DNAH8: variants seen among roughly 807,000 people sequenced by gnomAD.
The protein encoded by DNAH8 is dynein axonemal heavy chain 8.
DNAH8 carries 382 observed loss-of-function variants against 562.1 expected under a neutral mutation model. The observed-to-expected ratio is 0.68, with a 90% confidence interval of 0.63 to 0.74. DNAH8 has a LOEUF of 0.74. Ranked by LOEUF, DNAH8 falls within the 30% of genes least tolerant of loss-of-function variation. DNAH8 has a pLI of 0.00. For missense variants in DNAH8, 5,203 were observed against 5,620.4 expected (o/e 0.93, Z 2.37); for synonymous variants, 1,881 against 1,919.4 (o/e 0.98, Z 0.52).
At chr6:38,882,197 A>G (rs375794980) in intron 53 of DNAH8, among the ~76,000 whole-genome samples, 2 of 152,154 alleles carry the variant, frequency 1.3e-5, no homozygotes, top group African/African-American at 4.8e-5. Flanking sequence ...TGACCCACCA[A>G]TCTCATTATT....
At chr6:38,815,187 C>T (rs1772132763) in intron 25 of DNAH8, among the ~76,000 whole-genome samples, 1 of 152,164 alleles carries the variant, frequency 6.6e-6, no homozygotes, top group Non-Finnish European at 1.5e-5. Flanking sequence ...ACTAGTTTGA[C>T]CTTTTTAACA....
intron 37 of DNAH8, among the ~76,000 whole-genome samples, chr6:38,849,550 G>GAT (rs930144780): frequency 6.7e-6 from 1 of 149,406 alleles, no homozygotes; most frequent in Non-Finnish European, 1.5e-5. Context: ...AAAAATCAAG[G>GAT]ATAAAAGAGG....
At chr6:38,934,480 G>T (rs2150583714) in intron 76 of DNAH8, among the ~76,000 whole-genome samples, 1 of 152,176 alleles carries the variant, frequency 6.6e-6, no homozygotes, top group South Asian at 2.1e-4. Flanking sequence ...ACTGGTTCAG[G>T]AAGACTTTTT....
Position 38,921,799 on chromosome 6 carries a change from T to C in DNAH8, c.10662+293T>C, listed in dbSNP as rs113465520. 5.5e-3 allele frequency among the ~76,000 whole-genome samples: 830 copies of C among 152,282 alleles called. 7 individuals are homozygous for C. Among genetic ancestry groups the C allele is most frequent in the African/African-American group, 0.018 (767 of 41,558 alleles). Reference sequence around the variant, plus strand: ...TGAAGAGACCACCAAACAGGCTTTGTGTGAGCAACAAGGCTGTTTATTTCA... The same window carrying C: ...TGAAGAGACCACCAAACAGGCTTTGCGTGAGCAACAAGGCTGTTTATTTCA... On this transcript the variant is annotated intron_variant, in intron 71 of 92. Coordinates refer to ENST00000327475, the MANE Select transcript of DNAH8 (RefSeq NM_001206927.2).
At position 38,772,971 on chromosome 6, in the gene DNAH8, C is replaced by CTTTTTTTTTTTTTTTTTTTTT. The variant is rs58784448; in HGVS notation, c.1764+2419_1764+2439dup. Among the ~76,000 whole-genome samples the CTTTTTTTTTTTTTTTTTTTTT allele has an allele frequency of 8.7e-4, 77 of 88,078 alleles. 7 individuals carry two copies. Among genetic ancestry groups the CTTTTTTTTTTTTTTTTTTTTT allele is most frequent in the Middle Eastern group, 7.2e-3 (1 of 138 alleles). The allele number at this position is 88,078 out of a possible 152,430, so 57.8% of individuals were successfully genotyped here. Reference sequence around the variant, plus strand: ...ATACCACCATGCCTAGCTAATTAAACTTTTTTTTTTTTTTTTTTTTTTTTT... The same window carrying CTTTTTTTTTTTTTTTTTTTTT: ...ATACCACCATGCCTAGCTAATTAAACTTTTTTTTTTTTTTTTTTTTTTTTTTTTTTTTTTTTTTTTTTTTTT... On this transcript the variant is annotated intron_variant, in intron 12 of 92. Transcript: ENST00000327475.
intron 82 of DNAH8, among the ~76,000 whole-genome samples, chr6:38,954,237 GA>G (rs1472978701): frequency 6.6e-6 from 1 of 152,146 alleles, no homozygotes; most frequent in Admixed American, 6.5e-5. Flanking sequence ...CTGGAGGAGG[GA>G]GGTCTCAGAG....
rs1171046116 is a variant in DNAH8 at position 38,786,884 on chromosome 6, G to A, written c.2515G>A (p.Val839Ile). 2 of 1,613,388 alleles carry A rather than the reference G, an allele frequency of 1.2e-6. No homozygotes were observed. The highest frequency in any genetic ancestry group is 2.2e-5 in the South Asian group (2 of 90,964). ...TKCMIKMKLD[V>I]PEQAKRLLKL... Reference sequence around the variant, plus strand: ...GTGTATGATAAAAATGAAGTTGGATGTACCAGAACAGGCAAAGAGATTGCT... The same window carrying A: ...GTGTATGATAAAAATGAAGTTGGATATACCAGAACAGGCAAAGAGATTGCT... Residue 839 changes from valine (V) to isoleucine (I), a missense_variant, in exon 18 of 93, where the codon GTA becomes ATA. By Grantham distance (29) the Val-to-Ile change is conservative (BLOSUM62 3). Transcript: ENST00000327475.
chr6:38,882,023 T>C (rs967345007), intron 53 of DNAH8, among the ~76,000 whole-genome samples: 1 of 152,030 alleles, frequency 6.6e-6, no homozygotes, highest in African/African-American at 2.4e-5. Flanking sequence ...TCCAGATGGG[T>C]GAGTTAGCAA....
At chr6:38,942,826 G>A (rs943135358) in intron 79 of DNAH8, among the ~76,000 whole-genome samples, 5 of 152,140 alleles carry the variant, frequency 3.3e-5, no homozygotes, top group Non-Finnish European at 4.4e-5. Flanking sequence ...GTCCCACCCC[G>A]TCTCACCTCT....
chr6:38,922,103 AT>A (rs1554136358), intron 71 of DNAH8, among the ~76,000 whole-genome samples: 1 of 150,358 alleles, frequency 6.7e-6, no homozygotes, highest in Admixed American at 6.7e-5. Context: ...GGAACCGGCC[AT>A]CTGGATGTGT....
At chr6:38,785,228 C>G (rs1448596998) in intron 17 of DNAH8, among the ~76,000 whole-genome samples, 1 of 152,112 alleles carries the variant, frequency 6.6e-6, no homozygotes, top group Non-Finnish European at 1.5e-5. Context: ...CTTCCTTTGT[C>G]CTAGTGATGT....
chr6:38,972,353 T>C (rs892726863), intron 83 of DNAH8, among the ~76,000 whole-genome samples: 2 of 152,208 alleles, frequency 1.3e-5, no homozygotes, highest in Non-Finnish European at 2.9e-5. Context: ...TAGAGAGGGT[T>C]AATGGGCTAA....
chr6:38,891,679 A>G (rs1779349962), intron 58 of DNAH8, among the ~76,000 whole-genome samples: 2 of 152,240 alleles, frequency 1.3e-5, no homozygotes, highest in Admixed American at 1.3e-4. Context: ...CTCAGAAATG[A>G]GTTGCAAGGA....
At chr6:39,026,521 A>G (rs747656430) in intron 91 of DNAH8, 25 bp from the exon 92 acceptor site, 2 of 1,593,296 alleles carry the variant, frequency 1.3e-6, no homozygotes, top group South Asian at 2.2e-5. Flanking sequence ...ACAAGGCTTC[A>G]ACATCTCTTC....
chr6:38,814,320 C>T (rs1772058272), intron 25 of DNAH8, among the ~76,000 whole-genome samples, 191 bp downstream of exon 25: 2 of 152,192 alleles, frequency 1.3e-5, no homozygotes, highest in African/African-American at 2.4e-5. Flanking sequence ...GTGGCTCACG[C>T]CTGTAATCCC....
Position 38,932,216 on chromosome 6 carries a change from A to ACACACACACACACACACC in DNAH8, c.11457+224_11457+225insACACACACACACACACCC, listed in dbSNP as rs375631180. ...CACACACACACACACACACACACAC[A>ACACACACACACACACACC]CCCGTCTCTTTCTACTTCTGTCTTT... On this transcript the variant is annotated intron_variant, in intron 76 of 92. Coordinates refer to ENST00000327475, the MANE Select transcript of DNAH8 (RefSeq NM_001206927.2). 3.8e-3 allele frequency among the ~76,000 whole-genome samples: 549 copies of ACACACACACACACACACC among 145,696 alleles called. 6 individuals carry two copies. The highest frequency in any genetic ancestry group is 0.02 in the South Asian group (94 of 4,694).
chr6:38,805,878 G>A (rs562932248), intron 23 of DNAH8, among the ~76,000 whole-genome samples: 1 of 152,310 alleles, frequency 6.6e-6, no homozygotes, highest in African/African-American at 2.4e-5. Context: ...TGACGTCAGG[G>A]ATTGGAGCAG....
At position 38,949,445 on chromosome 6, in the gene DNAH8, C is replaced by G. The variant is rs752631424; in HGVS notation, c.12130-7C>G. The G allele has an allele frequency of 2.2e-5, 35 of 1,581,694 alleles. No individual in the cohort carries two copies. The highest frequency in any genetic ancestry group is 3.0e-5 in the Non-Finnish European group (34 of 1,151,188). On this transcript the variant is annotated splice_region_variant and splice_polypyrimidine_tract_variant and intron_variant, in intron 80 of 92. Coordinates refer to ENST00000327475, the MANE Select transcript of DNAH8 (RefSeq NM_001206927.2). ...CTGTGGCTTGCTAATTGGCTTGCTT[C>G]TTTTAGATATCTCGTAATGAGAAGG... is the stretch of plus-strand genomic sequence containing the variant.
chr6:38,874,037 C>CTT (rs71766808), intron 52 of DNAH8, among the ~76,000 whole-genome samples: 1 of 42,790 alleles, frequency 2.3e-5, no homozygotes, highest in African/African-American at 6.5e-5. Flanking sequence ...TTTTTCTTTT[C>CTT]TTTTCTTTCT....
Sources: gnomAD v4.1 joint callset for allele counts (sites outside exome capture counted in the v4.1 genomes callset) on GRCh38, gnomAD v4.1.1 for gene constraint, MANE v1.5 for transcripts, NCBI Gene and HGNC (gene_info 2026-07-23, HGNC 2026-07-21) for gene names.